ADGRB3: variants seen among roughly 807,000 people sequenced by gnomAD.
ADGRB3 encodes brain-specific angiogenesis inhibitor 3.
Under a neutral mutation model 193.4 loss-of-function variants are expected in ADGRB3, and 37 were observed. The observed-to-expected ratio is 0.19, with a 90% CI of 0.15 to 0.25. The LOEUF is 0.25. ADGRB3 is among the 10% of genes least tolerant of loss of function. The probability of loss-of-function intolerance (pLI) is 1.00; values close to 1 mark genes in which losing one functional copy is unlikely to be tolerated. For missense variants in ADGRB3, 1,637 were observed against 1,852.9 expected (o/e 0.88, Z 2.14); for synonymous variants, 690 against 644.2 (o/e 1.07, Z -1.08).
chr6:68,932,656 A>C (rs1767372937), intron 4 of ADGRB3, among the ~76,000 whole-genome samples: 1 of 151,948 alleles, frequency 6.6e-6, no homozygotes, highest in South Asian at 2.1e-4. Context: ...AGTGTCACAC[A>C]ATAAAATTTT....
chr6:69,274,471 T>C lies in ADGRB3; in HGVS notation c.2814+35245T>C, dbSNP rs576126673. On this transcript the variant is annotated intron_variant, in intron 20 of 31. Transcript: ENST00000370598. ...TTCCTTCCTTCCTTCCTTCCTTCCT[T>C]CCTTCCTCCCTCCCTCCCTCCCTCC... is the stretch of plus-strand genomic sequence containing the variant. Among the ~76,000 whole-genome samples, 36 of 141,402 alleles carry C rather than the reference T, an allele frequency of 2.5e-4. No individual in the cohort carries two copies. In the East Asian group the frequency reaches 2.8e-3, roughly 11 times the overall value. The allele number at this position is 141,402 out of a possible 152,430, so 92.8% of individuals were successfully genotyped here.
intron 17 of ADGRB3, among the ~76,000 whole-genome samples, chr6:69,107,437 G>A (rs7759645): frequency 0.21 from 31,773 of 152,148 alleles, 5,072 homozygotes; most frequent in East Asian, 0.8. Flanking sequence ...CAAATATTAT[G>A]CAAGGTGCTA....
At chr6:68,644,352 G>A (rs992200200) in intron 3 of ADGRB3, among the ~76,000 whole-genome samples, 4 of 151,858 alleles carry the variant, frequency 2.6e-5, no homozygotes, top group African/African-American at 9.7e-5. Context: ...TTATTTATAT[G>A]TTTATTTTAA....
intron 6 of ADGRB3, among the ~76,000 whole-genome samples, chr6:68,948,727 T>C (rs1354753322): frequency 6.6e-6 from 1 of 152,066 alleles, no homozygotes; most frequent in Non-Finnish European, 1.5e-5. Flanking sequence ...TTCCATGCAG[T>C]AGAGTATAAA....
At chr6:68,941,917 T>G (rs1767654260) in intron 5 of ADGRB3, among the ~76,000 whole-genome samples, 1 of 149,126 alleles carries the variant, frequency 6.7e-6, no homozygotes, top group African/African-American at 2.5e-5. Context: ...AATATAGACT[T>G]ACTTTTATAT....
chr6:69,160,170 G>C (rs771144165), intron 17 of ADGRB3, among the ~76,000 whole-genome samples: 3 of 152,062 alleles, frequency 2.0e-5, no homozygotes, highest in Non-Finnish European at 4.4e-5. Context: ...ATCAACCAGA[G>C]TGATCTGCTG....
At chr6:68,754,301 C>G (rs1041384649) in intron 3 of ADGRB3, among the ~76,000 whole-genome samples, 4 of 152,120 alleles carry the variant, frequency 2.6e-5, no homozygotes, top group Non-Finnish European at 5.9e-5. Flanking sequence ...GGCCTCTGGT[C>G]ATAGCAGGGG....
chr6:68,872,378 G>C (rs980664075), intron 3 of ADGRB3, among the ~76,000 whole-genome samples: 1 of 151,230 alleles, frequency 6.6e-6, no homozygotes, highest in Admixed American at 6.6e-5. Flanking sequence ...TATGGGGAAA[G>C]TGAAGATAAA....
Position 69,382,910 on chromosome 6 carries a change from G to C in ADGRB3, c.4355G>C (p.Arg1452Pro). 2 of 1,606,802 alleles carry C rather than the reference G, an allele frequency of 1.2e-6. No individual in the cohort carries two copies. Among genetic ancestry groups the C allele is most frequent in the Non-Finnish European group, 1.7e-6 (2 of 1,175,462 alleles). ...NQKFQTLDRF[R>P]DIPNTSSMEN... Reference sequence around the variant, plus strand: ...AAATTTCAAACTTTGGACAGATTTCGGGATATACCAAATACAAGCAGTATG... The same window carrying C: ...AAATTTCAAACTTTGGACAGATTTCCGGATATACCAAATACAAGCAGTATG... The change falls in exon 31 of 32, where the codon CGG becomes CCG. Residue 1452 changes from arginine to proline, a missense_variant. Arg to Pro is a moderately radical substitution (Grantham distance 103). Transcript: ENST00000370598.
chr6:68,811,072 G>A (rs73745881), intron 3 of ADGRB3, among the ~76,000 whole-genome samples: 4,001 of 151,782 alleles, frequency 0.026, 81 homozygotes, highest in African/African-American at 0.051. Flanking sequence ...GGTTTTATGA[G>A]GAGATATATA....
intron 9 of ADGRB3, 95 bp downstream of exon 9, chr6:68,974,959 C>A: frequency 3.8e-6 from 4 of 1,052,520 alleles, no homozygotes; most frequent in Non-Finnish European, 5.6e-6. Context: ...TGTCTTATAT[C>A]CATAAATAAG....
At chr6:69,009,208 A>G (rs1769860980) in intron 11 of ADGRB3, among the ~76,000 whole-genome samples, 1 of 152,102 alleles carries the variant, frequency 6.6e-6, no homozygotes, top group African/African-American at 2.4e-5. Context: ...CCCTAAACCA[A>G]TCATCATACA....
intron 3 of ADGRB3, among the ~76,000 whole-genome samples, chr6:68,691,875 C>A (rs968880155): frequency 6.6e-6 from 1 of 150,988 alleles, no homozygotes; most frequent in African/African-American, 2.4e-5. Flanking sequence ...TGTATGCAAT[C>A]GAGATACTTA....
chr6:69,298,374 G>C (rs532917729), intron 20 of ADGRB3, among the ~76,000 whole-genome samples: 21 of 151,794 alleles, frequency 1.4e-4, no homozygotes, highest in African/African-American at 5.1e-4. Flanking sequence ...TATAATAATT[G>C]TATATATTTT....
At chr6:69,376,118 G>A (rs1277336002) in intron 30 of ADGRB3, among the ~76,000 whole-genome samples, 1 of 117,656 alleles carries the variant, frequency 8.5e-6, no homozygotes, top group Admixed American at 9.8e-5. Context: ...TTTGACAGAG[G>A]CTGGCTTTGT....
chr6:68,772,882 C>CAAAA (rs763967322), intron 3 of ADGRB3, among the ~76,000 whole-genome samples: 213 of 23,668 alleles, frequency 9.0e-3, no homozygotes, highest in Non-Finnish European at 0.012. Context: ...AACAAACAAA[C>CAAAA]AAAAAAAAAA....
chr6:69,367,927 T>C (rs983123464), intron 29 of ADGRB3, among the ~76,000 whole-genome samples: 1 of 138,120 alleles, frequency 7.2e-6, no homozygotes, highest in African/African-American at 2.7e-5. Flanking sequence ...TTCTCACTCA[T>C]AGGTAGGAAT....
At chr6:68,891,673 C>G (rs1035059819) in intron 3 of ADGRB3, among the ~76,000 whole-genome samples, 4 of 152,060 alleles carry the variant, frequency 2.6e-5, no homozygotes, top group African/African-American at 9.7e-5. Context: ...ATGAGGAAAA[C>G]AAAACACTTA....
intron 3 of ADGRB3, among the ~76,000 whole-genome samples, chr6:68,777,853 T>A (rs981189596): frequency 5.9e-5 from 9 of 152,010 alleles, no homozygotes; most frequent in Admixed American, 5.9e-4. Flanking sequence ...ACCGATTTGA[T>A]AGCTGATGGC....
Sources: allele counts gnomAD v4.1 joint callset (sites outside exome capture counted in the v4.1 genomes callset), GRCh38; gene constraint gnomAD v4.1.1; transcripts MANE v1.5; gene names NCBI Gene and HGNC (gene_info 2026-07-23, HGNC 2026-07-21).